The following AMPH variants were observed in gnomAD, a reference collection of about 807,000 sequenced individuals.
The protein encoded by AMPH is amphiphysin (Stiff-Mann syndrome with breast cancer 128kD autoantigen).
AMPH carries 49 observed loss-of-function variants against 99.1 expected under a neutral mutation model. That is an observed-to-expected ratio of 0.49 (90% confidence interval 0.39 to 0.63). The LOEUF (loss-of-function observed/expected upper bound fraction) is 0.63, where lower values mean the gene tolerates loss of function less well. AMPH is among the 20% of genes least tolerant of loss of function. The probability of loss-of-function intolerance (pLI) is 0.00; values close to 1 mark genes in which losing one functional copy is unlikely to be tolerated. For missense variants in AMPH, 759 were observed against 863.4 expected (o/e 0.88, Z 1.52); for synonymous variants, 314 against 317.3 (o/e 0.99, Z 0.11).
At chr7:38,605,525 A>G (rs1793402688) in intron 1 of AMPH, among the ~76,000 whole-genome samples, 1 of 151,866 alleles carries the variant, frequency 6.6e-6, no homozygotes, top group South Asian at 2.1e-4. Flanking sequence ...TAGAATTTTG[A>G]TCCAATATTC....
intron 1 of AMPH, among the ~76,000 whole-genome samples, chr7:38,549,167 T>C (rs941204333): frequency 1.3e-5 from 2 of 152,246 alleles, no homozygotes; most frequent in African/African-American, 4.8e-5. Flanking sequence ...AAATAATTTA[T>C]TTCTAGCTGC....
At chr7:38,600,184 C>A (rs1793199080) in intron 1 of AMPH, among the ~76,000 whole-genome samples, 1 of 152,082 alleles carries the variant, frequency 6.6e-6, no homozygotes, top group African/African-American at 2.4e-5. Flanking sequence ...ATTAATCTTA[C>A]CTTTCCCATA....
At chr7:38,529,694 G>A (rs1182346364) in intron 2 of AMPH, among the ~76,000 whole-genome samples, 1 of 152,168 alleles carries the variant, frequency 6.6e-6, no homozygotes, top group African/African-American at 2.4e-5. Flanking sequence ...CAGATCTGAT[G>A]GGATCACATT....
At chr7:38,473,283 TG>T (rs1192824165) in intron 7 of AMPH, among the ~76,000 whole-genome samples, 6 of 152,210 alleles carry the variant, frequency 3.9e-5, no homozygotes, top group Non-Finnish European at 8.8e-5. Context: ...TGACAACCTG[TG>T]TTTGGAACTA....
chr7:38,537,391 T>A (rs563896568), intron 1 of AMPH, among the ~76,000 whole-genome samples: 1 of 152,198 alleles, frequency 6.6e-6, no homozygotes, highest in South Asian at 2.1e-4. Context: ...AAATAATATC[T>A]ATTATTATTA....
intron 1 of AMPH, among the ~76,000 whole-genome samples, chr7:38,622,754 T>C (rs1794117134): frequency 6.6e-6 from 1 of 152,206 alleles, no homozygotes; most frequent in Admixed American, 6.5e-5. Flanking sequence ...TATGTGTATA[T>C]GCACAAGTAA....
At position 38,475,403 on chromosome 7, in the gene AMPH, A is replaced by G; in HGVS notation, c.518T>C (p.Phe173Ser). ...TTCAAACACTTTCTGTGCTTTCTGAAATTCTTCTTCTGCCTAGGAATGAAA... is the reference window on the plus strand; with the variant it reads ...TTCAAACACTTTCTGTGCTTTCTGAGATTCTTCTTCTGCCTAGGAATGAAA... The part of the protein sequence containing the change: ...ESRISKAEEE[F>S]QKAQKVFEEF... Residue 173 changes from phenylalanine (F) to serine (S), a missense_variant, in exon 7 of 21, where the codon TTT (phenylalanine) becomes TCT (serine). Phe to Ser is a radical substitution (Grantham distance 155, BLOSUM62 -2). Around this residue, in one of 2 missense-constraint regions of AMPH, gnomAD observed 205 missense variants for 287.9 expected, o/e 0.71. Coordinates refer to ENST00000356264, the MANE Select transcript of AMPH (RefSeq NM_001635.4). 1 of 1,612,304 alleles carries G rather than the reference A, an allele frequency of 6.2e-7. No individual in the cohort carries two copies. Among genetic ancestry groups the G allele is most frequent in the Non-Finnish European group, 8.5e-7 (1 of 1,178,930 alleles).
chr7:38,419,669 G>A (rs778546988), intron 16 of AMPH, among the ~76,000 whole-genome samples: 2 of 152,156 alleles, frequency 1.3e-5, no homozygotes, highest in Non-Finnish European at 2.9e-5. Context: ...AAGGTGATTT[G>A]CTATGACAGC....
chr7:38,429,287 A>T (rs1398195831), intron 14 of AMPH: 4 of 1,286,430 alleles, frequency 3.1e-6, no homozygotes, highest in Non-Finnish European at 4.1e-6. Context: ...TTCCACCTGG[A>T]AAGGCTGGCC....
chr7:38,552,356 A>T (rs1248787873), intron 1 of AMPH, among the ~76,000 whole-genome samples: 1 of 152,232 alleles, frequency 6.6e-6, no homozygotes, highest in Non-Finnish European at 1.5e-5. Flanking sequence ...GATCATTTGG[A>T]TGAGCACCAG....
At position 38,403,682 on chromosome 7, in the gene AMPH, G is replaced by A. The variant is rs534922631; in HGVS notation, c.1399-9468C>T. ...GCCGCCCCGAGGGAAGGGGGAATACGGCCTGCCAAAGTGCCCCTTGGAACA... is the reference window on the plus strand; with the variant it reads ...GCCGCCCCGAGGGAAGGGGGAATACAGCCTGCCAAAGTGCCCCTTGGAACA... On this transcript the variant is annotated intron_variant, in intron 17 of 20. Transcript: ENST00000356264. Among the ~76,000 whole-genome samples, 19 of 152,334 alleles carry A rather than the reference G, an allele frequency of 1.2e-4. 1 individual carries two copies. Among genetic ancestry groups the A allele is most frequent in the African/African-American group, 4.3e-4 (18 of 41,576 alleles).
chr7:38,624,177 C>T (rs913545426), intron 1 of AMPH, among the ~76,000 whole-genome samples: 8 of 151,996 alleles, frequency 5.3e-5, no homozygotes, highest in African/African-American at 1.9e-4. Flanking sequence ...ATCAGTACAT[C>T]GTCACTGAGT....
At chr7:38,517,176 A>G (rs1194197107) in intron 2 of AMPH, among the ~76,000 whole-genome samples, 3 of 152,146 alleles carry the variant, frequency 2.0e-5, no homozygotes, top group Admixed American at 2.0e-4. Flanking sequence ...AAATGTGAGA[A>G]GGACATGAGA....
At chr7:38,533,356 C>A (rs999562377) in intron 2 of AMPH, among the ~76,000 whole-genome samples, 1 of 152,204 alleles carries the variant, frequency 6.6e-6, no homozygotes, top group Non-Finnish European at 1.5e-5. Flanking sequence ...TAGCTCCCCT[C>A]TCCCTTTTCT....
intron 1 of AMPH, among the ~76,000 whole-genome samples, chr7:38,564,721 C>T (rs1236435453): frequency 1.3e-5 from 2 of 152,220 alleles, no homozygotes; most frequent in Non-Finnish European, 2.9e-5. Flanking sequence ...AATATACTGC[C>T]TCTGTTCTCA....
chr7:38,474,246 A>AAAAATAAAAT (rs570230572), intron 7 of AMPH, among the ~76,000 whole-genome samples: 1 of 151,996 alleles, frequency 6.6e-6, no homozygotes, highest in African/African-American at 2.4e-5. Context: ...ATGGCACCAA[A>AAAAATAAAAT]AAAATAAAAT....
At chr7:38,532,506 T>C (rs139829035) in intron 2 of AMPH, among the ~76,000 whole-genome samples, 89 of 152,304 alleles carry the variant, frequency 5.8e-4, no homozygotes, top group South Asian at 1.4e-3. Context: ...TTGGGAGAAC[T>C]AAGGTGGTAG....
chr7:38,383,879 T>C lies in AMPH; in HGVS notation c.*939A>G, dbSNP rs1308438083. ...TGGAAATATAGAGGAGCTGTTTTTA[T>C]AGTGTTCTTTTGGGGGTAGATGAAT... On this transcript the variant is annotated 3_prime_UTR_variant, in exon 21 of 21. Coordinates refer to ENST00000356264, the MANE Select transcript of AMPH (RefSeq NM_001635.4). 6.5e-6 allele frequency: 1 copy of C among 152,672 alleles called. No homozygotes were observed. The highest frequency in any genetic ancestry group is 6.5e-5 in the Admixed American group (1 of 15,286). The allele number at this position is 152,672 out of a possible 1,614,324, so 9.5% of individuals were successfully genotyped here.
rs1554336916 is a variant in AMPH, at chr7:38,441,826, C to CTG, written c.1018-5439_1018-5438insCA. Among the ~76,000 whole-genome samples the CTG allele has an allele frequency of 2.3e-3, 218 of 96,774 alleles. 3 individuals carry two copies. The highest frequency in any genetic ancestry group is 5.8e-3 in the African/African-American group (146 of 25,388). 63.5% of individuals were successfully genotyped at this position (96,774 alleles called of 152,430 possible). A position where few individuals can be genotyped will look rare whatever the true frequency, so the allele number is the denominator to read the frequency against. On this transcript the variant is annotated intron_variant, in intron 11 of 20. Coordinates refer to ENST00000356264, the MANE Select transcript of AMPH (RefSeq NM_001635.4). Reference sequence around the variant, plus strand: ...TATATATATCATATATATCATATATCATATATATCATATATCATATATATC... The same window carrying CTG: ...TATATATATCATATATATCATATATCTGATATATATCATATATCATATATATC...
Sources: allele counts gnomAD v4.1 joint callset (sites outside exome capture counted in the v4.1 genomes callset), GRCh38; gene constraint gnomAD v4.1.1; regional missense constraint gnomAD v4.1.1; transcripts MANE v1.5; gene names NCBI Gene and HGNC (gene_info 2026-07-23, HGNC 2026-07-21).